PAQR5: variants seen among roughly 807,000 people sequenced by gnomAD.
PAQR5 encodes membrane progestin receptor gamma.
A neutral mutation model predicts 34.5 loss-of-function variants in PAQR5; 20 were observed. The observed-to-expected ratio is 0.58, with a 90% CI of 0.41 to 0.84. The LOEUF is 0.84. Among genes scored for constraint, PAQR5 ranks in the 40% least tolerant of loss-of-function variants. The pLI is 0.00. For missense variants in PAQR5, 378 were observed against 412.7 expected (o/e 0.92, Z 0.73); for synonymous variants, 131 against 155.6 (o/e 0.84, Z 1.18).
chr15:69,358,962 T>C (rs1352636463), intron 2 of PAQR5, among the ~76,000 whole-genome samples: 1 of 152,100 alleles, frequency 6.6e-6, no homozygotes, highest in Non-Finnish European at 1.5e-5. Context: ...TTTGGCATGC[T>C]ATCACAAAAT....
At chr15:69,355,325 TTTCTTTC>T in intron 2 of PAQR5, among the ~76,000 whole-genome samples, 1 of 47,334 alleles carries the variant, frequency 2.1e-5, no homozygotes, top group South Asian at 6.9e-4. Flanking sequence ...TCTTTCTTTC[TTTCTTTC>T]TTTCTTTCTT....
At chr15:69,332,648 AT>A (rs2140677397) in intron 1 of PAQR5, among the ~76,000 whole-genome samples, 1 of 151,990 alleles carries the variant, frequency 6.6e-6, no homozygotes, top group South Asian at 2.1e-4. Flanking sequence ...TCTGAGTTTT[AT>A]TTATGAAACT....
Position 69,404,040 on chromosome 15 carries a change from A to T in PAQR5, c.*218A>T, listed in dbSNP as rs1407006765. Reference sequence around the variant, plus strand: ...GATTTTAAAAGGAGAATATGGTTCAAGCAAGTCCTTGTTAAGGCAAACTAT... The same window carrying T: ...GATTTTAAAAGGAGAATATGGTTCATGCAAGTCCTTGTTAAGGCAAACTAT... On this transcript the variant is annotated 3_prime_UTR_variant, in exon 9 of 9. Transcript: ENST00000395407. 5.8e-6 allele frequency: 3 copies of T among 521,514 alleles called. No individual in the cohort carries two copies. The highest frequency in any genetic ancestry group is 1.0e-5 in the Non-Finnish European group (3 of 298,786). The allele number at this position is 521,514 out of a possible 1,614,324, so 32.3% of individuals were successfully genotyped here.
chr15:69,331,490 T>G (rs2054378691), intron 1 of PAQR5, among the ~76,000 whole-genome samples: 1 of 152,140 alleles, frequency 6.6e-6, no homozygotes, highest in African/African-American at 2.4e-5. Flanking sequence ...CTCGTCTTTG[T>G]GTGTGTCTGT....
intron 1 of PAQR5, among the ~76,000 whole-genome samples, chr15:69,312,635 C>A (rs940089096): frequency 1.3e-5 from 2 of 151,684 alleles, no homozygotes; most frequent in African/African-American, 2.4e-5. Context: ...CCTGTCCAGT[C>A]CCCCCGTCCC....
At chr15:69,362,597 T>A (rs537837145) in intron 3 of PAQR5, among the ~76,000 whole-genome samples, 1 of 152,206 alleles carries the variant, frequency 6.6e-6, no homozygotes, top group African/African-American at 2.4e-5. Flanking sequence ...CAAGATAATC[T>A]CTCTACCTCA....
At chr15:69,323,630 A>T (rs1277077238) in intron 1 of PAQR5, among the ~76,000 whole-genome samples, 1 of 152,220 alleles carries the variant, frequency 6.6e-6, no homozygotes, top group Non-Finnish European at 1.5e-5. Flanking sequence ...TTTTCTTCTA[A>T]TAGCGTTGCG....
chr15:69,366,370 G>A (rs1008898594), intron 3 of PAQR5, among the ~76,000 whole-genome samples: 1 of 152,204 alleles, frequency 6.6e-6, no homozygotes, highest in African/African-American at 2.4e-5. Context: ...GAACAGGTGA[G>A]TTGTTTCTAT....
intron 1 of PAQR5, among the ~76,000 whole-genome samples, chr15:69,336,381 T>C (rs2054515873): frequency 6.6e-6 from 1 of 152,208 alleles, no homozygotes; most frequent in African/African-American, 2.4e-5. Flanking sequence ...AAGTATGAAA[T>C]GGTGTTTGGC....
At chr15:69,300,155 C>G (rs75040618) in intron 1 of PAQR5, among the ~76,000 whole-genome samples, 6,216 of 152,150 alleles carry the variant, frequency 0.041, 189 homozygotes, top group East Asian at 0.14. Flanking sequence ...TCCCCACCCC[C>G]CTAGGTTCTG....
At position 69,403,778 on chromosome 15, in the gene PAQR5, C is replaced by A; in HGVS notation, c.949C>A (p.Leu317Met). Reference protein sequence around the residue: ...LSNIIYFSAALYRIPKPELHK... With the variant: ...LSNIIYFSAAMYRIPKPELHK... ...CAACATAATTTATTTCTCAGCTGCT[C>A]TGTATCGGATTCCCAAGCCAGAATT... Residue 317 changes from leucine to methionine, a missense_variant, in exon 9 of 9, where the codon CTG (leucine) becomes ATG (methionine). Leu to Met is a conservative substitution (Grantham distance 15). Coordinates refer to ENST00000395407, the MANE Select transcript of PAQR5 (RefSeq NM_017705.4). 1 of 1,613,984 alleles carries A rather than the reference C, an allele frequency of 6.2e-7. No individual in the cohort carries two copies. The highest frequency in any genetic ancestry group is 8.5e-7 in the Non-Finnish European group (1 of 1,179,838).
intron 3 of PAQR5, among the ~76,000 whole-genome samples, chr15:69,362,433 G>C (rs2055259498): frequency 6.6e-6 from 1 of 152,206 alleles, no homozygotes; most frequent in Non-Finnish European, 1.5e-5. Flanking sequence ...TGGGGGCAAA[G>C]ACATTTATTA....
At chr15:69,343,609 T>C (rs1418932355) in intron 2 of PAQR5, among the ~76,000 whole-genome samples, 1 of 152,198 alleles carries the variant, frequency 6.6e-6, no homozygotes, top group African/African-American at 2.4e-5. Flanking sequence ...ACAATAACTG[T>C]CTTTCATCAA....
At chr15:69,378,544 C>T (rs1363488190) in intron 3 of PAQR5, among the ~76,000 whole-genome samples, 1 of 151,676 alleles carries the variant, frequency 6.6e-6, no homozygotes, top group Non-Finnish European at 1.5e-5. Context: ...ATTGATACCC[C>T]AAATGAGAAA....
At chr15:69,328,060 T>C (rs1367950789) in intron 1 of PAQR5, among the ~76,000 whole-genome samples, 1 of 152,026 alleles carries the variant, frequency 6.6e-6, no homozygotes, top group East Asian at 1.9e-4. Flanking sequence ...GGATTACAGG[T>C]GTGAGCCACC....
intron 4 of PAQR5, among the ~76,000 whole-genome samples, chr15:69,382,650 A>C (rs1230057669): frequency 6.8e-5 from 8 of 117,726 alleles, no homozygotes; most frequent in Non-Finnish European, 8.5e-5. Flanking sequence ...TCTCAAAAAA[A>C]AAAAAAAGCA....
At chr15:69,300,644 T>C (rs200205075) in intron 1 of PAQR5, among the ~76,000 whole-genome samples, 9 of 52,560 alleles carry the variant, frequency 1.7e-4, no homozygotes, top group Non-Finnish European at 2.7e-4. Context: ...TTTCTTTCTT[T>C]CTTTCTTTTC....
intron 2 of PAQR5, among the ~76,000 whole-genome samples, chr15:69,340,134 G>A (rs1225449248): frequency 1.3e-5 from 2 of 152,082 alleles, no homozygotes; most frequent in African/African-American, 4.8e-5. Flanking sequence ...CCAAAGTGCT[G>A]GGATTACAGG....
chr15:69,400,488 T>C (rs1461051962), intron 8 of PAQR5, among the ~76,000 whole-genome samples: 1 of 152,056 alleles, frequency 6.6e-6, no homozygotes, highest in Non-Finnish European at 1.5e-5. Flanking sequence ...GAGACTGTGC[T>C]CAAGACAATC....
Sources: gnomAD v4.1 joint callset for allele counts (sites outside exome capture counted in the v4.1 genomes callset) on GRCh38, gnomAD v4.1.1 for gene constraint, MANE v1.5 for transcripts, NCBI Gene and HGNC (gene_info 2026-07-23, HGNC 2026-07-21) for gene names.